The following CCDC138 variants were observed in gnomAD, a reference collection of about 807,000 sequenced individuals.
CCDC138 encodes coiled-coil domain containing 138.
A neutral mutation model predicts 82.3 loss-of-function variants in CCDC138; 66 were observed. That is an observed-to-expected ratio of 0.80 (90% CI 0.66 to 0.98). The LOEUF is 0.98. CCDC138 is among the 50% of genes least tolerant of loss of function. The pLI, the probability that CCDC138 is intolerant of heterozygous loss-of-function variation, is 0.00. For synonymous variants in CCDC138, 297 were observed against 265.4 expected, an observed-to-expected ratio of 1.12 and a Z score of -1.16; for missense variants, 816 against 758.9, an observed-to-expected ratio of 1.08 and a Z score of -0.88.
At chr2:108,802,799 G>T (rs369476915) in intron 6 of CCDC138, among the ~76,000 whole-genome samples, 1 of 151,818 alleles carries the variant, frequency 6.6e-6, no homozygotes, top group African/African-American at 2.4e-5. Context: ...TTTGAAATAC[G>T]TCCCATCAAT....
At chr2:108,865,534 C>G (rs1018678544) in intron 13 of CCDC138, among the ~76,000 whole-genome samples, 4 of 152,200 alleles carry the variant, frequency 2.6e-5, no homozygotes, top group African/African-American at 4.8e-5. Flanking sequence ...ATGGTCTGGA[C>G]TCATTCTGGA....
chr2:108,844,284 G>A (rs1690074714), intron 11 of CCDC138, among the ~76,000 whole-genome samples: 2 of 152,094 alleles, frequency 1.3e-5, no homozygotes. Context: ...GTTGTTTGCA[G>A]TTGTTCAGGT....
At chr2:108,805,705 C>T (rs539648536) in intron 7 of CCDC138, among the ~76,000 whole-genome samples, 5 of 151,042 alleles carry the variant, frequency 3.3e-5, no homozygotes, top group African/African-American at 1.2e-4. Context: ...CCAGCCTGGG[C>T]GACAGAGCGA....
At position 108,798,599 on chromosome 2, in the gene CCDC138, C is replaced by T. The variant is rs749368378; in HGVS notation, c.735+13C>T. 6.4e-7 allele frequency: 1 copy of T among 1,557,558 alleles called. No homozygotes were observed. The highest frequency in any genetic ancestry group is 1.2e-5 in the South Asian group (1 of 86,252). Reference sequence around the variant, plus strand: ...AATTATAAAAGAGGTAACTATATAGCCTTTGATTTTAGAGTGGTATATTTC... The same window carrying T: ...AATTATAAAAGAGGTAACTATATAGTCTTTGATTTTAGAGTGGTATATTTC... On this transcript the variant is annotated intron_variant, in intron 6 of 14. Coordinates refer to ENST00000295124, the MANE Select transcript of CCDC138 (RefSeq NM_144978.3).
intron 13 of CCDC138, among the ~76,000 whole-genome samples, chr2:108,865,045 C>A (rs1360230036): frequency 6.6e-6 from 1 of 152,056 alleles, no homozygotes; most frequent in Non-Finnish European, 1.5e-5. Flanking sequence ...TTACTGTTTC[C>A]CTCCCTGGAG....
At chr2:108,821,014 G>A (rs1275545338) in intron 10 of CCDC138, among the ~76,000 whole-genome samples, 2 of 54,500 alleles carry the variant, frequency 3.7e-5, no homozygotes, top group Non-Finnish European at 9.0e-5. Flanking sequence ...ACAGACAAAA[G>A]TATTAAAAAA....
At chr2:108,791,608 C>G in intron 3 of CCDC138, 67 bp from the exon 4 acceptor site, 1 of 1,519,880 alleles carries the variant, frequency 6.6e-7, no homozygotes, top group Non-Finnish European at 9.1e-7. Flanking sequence ...ATTTGAAAAG[C>G]AGTTTTATCT....
At chr2:108,818,176 C>T (rs991001398) in intron 10 of CCDC138, among the ~76,000 whole-genome samples, 2 of 152,006 alleles carry the variant, frequency 1.3e-5, no homozygotes, top group African/African-American at 4.8e-5. Flanking sequence ...CCTGGTGGCA[C>T]GCGCCTATAA....
rs1305135406 is a variant in CCDC138 at position 108,812,919 on chromosome 2, A to G, written c.1033A>G (p.Thr345Ala). Reference protein sequence around the residue: ...LKQEKAPVSKTYKVPLNGQVY... With the variant: ...LKQEKAPVSKAYKVPLNGQVY... Reference sequence around the variant, plus strand: ...ACAAGAAAAAGCACCAGTTTCAAAAACTTACAAGGTAAGTTTGAATTATGA... The same window carrying G: ...ACAAGAAAAAGCACCAGTTTCAAAAGCTTACAAGGTAAGTTTGAATTATGA... The change falls in exon 9 of 15, where the codon ACT (threonine) becomes GCT (alanine). Residue 345 changes from threonine (T) to alanine (A), a missense_variant. Transcript: ENST00000295124. 2.5e-6 allele frequency: 4 copies of G among 1,613,264 alleles called. No individual in the cohort carries two copies. Among genetic ancestry groups the G allele is most frequent in the Non-Finnish European group, 3.4e-6 (4 of 1,179,652 alleles).
downstream of CCDC138, among the ~76,000 whole-genome samples, chr2:108,881,165 T>C (rs1696281227): frequency 6.6e-6 from 1 of 152,242 alleles, no homozygotes; most frequent in Admixed American, 6.5e-5. Context: ...GTGTAGCCAC[T>C]TCATCAGTGG....
At chr2:108,835,215 A>G (rs536221927) in intron 10 of CCDC138, among the ~76,000 whole-genome samples, 91 of 152,370 alleles carry the variant, frequency 6.0e-4, no homozygotes, top group African/African-American at 2.1e-3. Context: ...AGTTTCATAT[A>G]TAGGCACTGT....
At chr2:108,871,955 C>T (rs1478103731) in intron 13 of CCDC138, among the ~76,000 whole-genome samples, 3 of 152,050 alleles carry the variant, frequency 2.0e-5, no homozygotes, top group Non-Finnish European at 2.9e-5. Context: ...TGTGGCTTCT[C>T]CAGGTCTTTT....
chr2:108,866,859 G>A (rs1020203379), intron 13 of CCDC138, among the ~76,000 whole-genome samples: 5 of 151,812 alleles, frequency 3.3e-5, no homozygotes, highest in African/African-American at 1.2e-4. Context: ...CTCCAGCCTG[G>A]GCGACAGAGT....
At chr2:108,882,671 G>A in exon 2 of CCDC138, 1 of 152,102 alleles carries the variant, frequency 6.6e-6, no homozygotes, top group Non-Finnish European at 1.5e-5. Flanking sequence ...TCCTTTTCAG[G>A]TCATCCTCCA....
At chr2:108,855,654 A>G (rs1291321378) in intron 12 of CCDC138, among the ~76,000 whole-genome samples, 1 of 152,208 alleles carries the variant, frequency 6.6e-6, no homozygotes, top group Non-Finnish European at 1.5e-5. Flanking sequence ...AATGGTAAAA[A>G]TGGAGTGTAC....
At chr2:108,842,227 C>T (rs555937798) in intron 11 of CCDC138, among the ~76,000 whole-genome samples, 1 of 149,226 alleles carries the variant, frequency 6.7e-6, no homozygotes, top group East Asian at 2.0e-4. Context: ...TTGATAGAGG[C>T]ATTGTCTTGC....
intron 5 of CCDC138, among the ~76,000 whole-genome samples, chr2:108,796,505 C>G (rs900467940): frequency 1.3e-5 from 2 of 152,130 alleles, no homozygotes; most frequent in African/African-American, 2.4e-5. Flanking sequence ...AAGAAAACGG[C>G]GTATCGAAGA....
At chr2:108,827,313 T>G (rs1336603670) in intron 10 of CCDC138, among the ~76,000 whole-genome samples, 1 of 151,952 alleles carries the variant, frequency 6.6e-6, no homozygotes, top group African/African-American at 2.4e-5. Context: ...AATATCTAAT[T>G]TAAAGAAAAG....
intron 7 of CCDC138, among the ~76,000 whole-genome samples, chr2:108,807,127 G>GA (rs1480340014): frequency 6.6e-6 from 1 of 151,970 alleles, no homozygotes; most frequent in Non-Finnish European, 1.5e-5. Flanking sequence ...TGAGAATGAA[G>GA]AAAAAAACCC....
Sources: allele counts gnomAD v4.1 joint callset (sites outside exome capture counted in the v4.1 genomes callset), GRCh38; gene constraint gnomAD v4.1.1; transcripts MANE v1.5; gene names NCBI Gene and HGNC (gene_info 2026-07-23, HGNC 2026-07-21).